The following CAAP1 variants were observed in gnomAD, a reference collection of about 807,000 sequenced individuals.
The protein encoded by CAAP1 is conserved anti-apoptotic protein.
In CAAP1, 20 loss-of-function variants were observed where a neutral mutation model predicts 34.0. The ratio of observed to expected loss-of-function variants is 0.59; its 90% CI spans 0.41 to 0.86. CAAP1 has a LOEUF of 0.86. CAAP1 is among the 40% of genes least tolerant of loss of function. The probability of loss-of-function intolerance (pLI) is 0.00; values close to 1 mark genes in which losing one functional copy is unlikely to be tolerated. For missense variants in CAAP1, 538 were observed against 450.5 expected, an observed-to-expected ratio of 1.19 and a Z score of -1.76; for synonymous variants, 213 against 166.7, an observed-to-expected ratio of 1.28 and a Z score of -2.14.
chr9:26,842,758 CCAAA>C (rs1228763744), intron 5 of CAAP1, 111 bp from the exon 6 acceptor site: 6 of 800,606 alleles, frequency 7.5e-6, no homozygotes, highest in African/African-American at 1.7e-5. Flanking sequence ...CTATGGAGTC[CCAAA>C]CACATTCCAT....
intron 1 of CAAP1, among the ~76,000 whole-genome samples, chr9:26,890,648 CAT>C (rs545032444): frequency 2.0e-5 from 3 of 151,704 alleles, no homozygotes; most frequent in Non-Finnish European, 2.9e-5. Context: ...AATTTAGAAA[CAT>C]ATACATAAAA....
chr9:26,852,270 G>A (rs1338716782), intron 5 of CAAP1, among the ~76,000 whole-genome samples: 2 of 151,994 alleles, frequency 1.3e-5, no homozygotes, highest in Non-Finnish European at 2.9e-5. Context: ...CCTGACCAAC[G>A]TGGTGAAACG....
intron 4 of CAAP1, among the ~76,000 whole-genome samples, chr9:26,868,966 A>G (rs1823207398): frequency 6.6e-6 from 1 of 152,254 alleles, no homozygotes; most frequent in African/African-American, 2.4e-5. Flanking sequence ...ATATTAGAGA[A>G]TTATTGCTAA....
chr9:26,870,039 C>CTTT lies in CAAP1; in HGVS notation c.666-8903_666-8901dup, dbSNP rs555433697. The CTTT allele has an allele frequency of 2.3e-3, 646 of 277,448 alleles. 4 individuals carry two copies. The highest frequency in any genetic ancestry group is 3.7e-3 in the Middle Eastern group (2 of 534). The allele number at this position is 277,448 out of a possible 1,614,324, so 17.2% of individuals were successfully genotyped here. On this transcript the variant is annotated intron_variant, in intron 4 of 5. Coordinates refer to ENST00000333916, the MANE Select transcript of CAAP1 (RefSeq NM_024828.4). Reference sequence around the variant, plus strand: ...TAGGTTTCTGTAATAGAAAGAATAACTTTTTTTTTTTTTTTTTTTTAACGC... The same window carrying CTTT: ...TAGGTTTCTGTAATAGAAAGAATAACTTTTTTTTTTTTTTTTTTTTTTTAACGC...
chr9:26,892,767 G>T lies in CAAP1; in HGVS notation c.-52C>A, dbSNP rs757872695. The T allele has an allele frequency of 1.3e-6, 2 of 1,502,990 alleles. No individual in the cohort carries two copies. Among genetic ancestry groups the T allele is most frequent in the Non-Finnish European group, 1.8e-6 (2 of 1,126,588 alleles). 93.1% of individuals were successfully genotyped at this position (1,502,990 alleles called of 1,614,324 possible). A position where few individuals can be genotyped will look rare whatever the true frequency, so the allele number is the denominator to read the frequency against. On this transcript the variant is annotated 5_prime_UTR_variant, in exon 1 of 6. Transcript: ENST00000333916. ...AAAGTCCGCTGTCTCTGGTGCGACC[G>T]AAGCCCGACTCCTGCGGCCGTGGGC... is the stretch of plus-strand genomic sequence containing the variant.
intron 5 of CAAP1, among the ~76,000 whole-genome samples, chr9:26,857,389 T>C (rs893411549): frequency 6.6e-6 from 1 of 152,226 alleles, no homozygotes; most frequent in African/African-American, 2.4e-5. Context: ...CCCAACACTT[T>C]GGAAGGCCAA....
At chr9:26,870,678 G>A (rs532701106) in intron 4 of CAAP1, among the ~76,000 whole-genome samples, 6 of 151,308 alleles carry the variant, frequency 4.0e-5, no homozygotes, top group Non-Finnish European at 7.4e-5. Flanking sequence ...ATGCAATGGC[G>A]CGATCTCGGC....
intron 4 of CAAP1, among the ~76,000 whole-genome samples, chr9:26,877,267 T>C (rs1258754300): frequency 6.6e-6 from 1 of 152,178 alleles, no homozygotes; most frequent in East Asian, 1.9e-4. Context: ...GATATCAGTA[T>C]GTATATGCAA....
At chr9:26,876,554 G>A (rs910791918) in intron 4 of CAAP1, among the ~76,000 whole-genome samples, 1 of 148,708 alleles carries the variant, frequency 6.7e-6, no homozygotes, top group African/African-American at 2.5e-5. Flanking sequence ...GCCCTGTACA[G>A]GTGTATCATT....
intron 5 of CAAP1, among the ~76,000 whole-genome samples, chr9:26,849,415 T>C (rs537079513): frequency 1.3e-5 from 2 of 152,306 alleles, no homozygotes; most frequent in Admixed American, 1.3e-4. Context: ...ATATATCGTA[T>C]CTTCTTGTTT....
chr9:26,875,317 T>C (rs577936420), intron 4 of CAAP1, among the ~76,000 whole-genome samples: 1 of 149,968 alleles, frequency 6.7e-6, no homozygotes, highest in African/African-American at 2.4e-5. Context: ...ATCTGGGAGG[T>C]GGAGGCTGCA....
rs1587134965 is a variant in CAAP1 at position 26,892,134 on chromosome 9, G to A, written c.303+279C>T. On this transcript the variant is annotated intron_variant, in intron 1 of 5. Coordinates refer to ENST00000333916, the MANE Select transcript of CAAP1 (RefSeq NM_024828.4). ...CTAGCTTCCAACTCGTATTCTTCCGGCAGAGTGAAACCATAGGAGTGGAAG... is the reference window on the plus strand; with the variant it reads ...CTAGCTTCCAACTCGTATTCTTCCGACAGAGTGAAACCATAGGAGTGGAAG... 4 of 737,516 alleles carry A rather than the reference G, an allele frequency of 5.4e-6. No individual in the cohort carries two copies. The East Asian group carries it at 1.4e-4, about 25-fold the overall frequency. 45.7% of individuals were successfully genotyped at this position (737,516 alleles called of 1,614,324 possible). A position where few individuals can be genotyped will look rare whatever the true frequency, so the allele number is the denominator to read the frequency against.
chr9:26,862,116 T>A (rs912866462), intron 4 of CAAP1, among the ~76,000 whole-genome samples: 1 of 152,200 alleles, frequency 6.6e-6, no homozygotes, highest in Non-Finnish European at 1.5e-5. Flanking sequence ...CAGTGTTTTA[T>A]ACTTCTGTCC....
intron 4 of CAAP1, among the ~76,000 whole-genome samples, chr9:26,863,339 A>G (rs1019382124): frequency 3.3e-5 from 5 of 152,054 alleles, no homozygotes; most frequent in Non-Finnish European, 7.4e-5. Context: ...GTAAATGGGG[A>G]AAAAAAATCC....
chr9:26,860,760 C>G (rs1231343870), intron 5 of CAAP1, among the ~76,000 whole-genome samples: 2 of 152,140 alleles, frequency 1.3e-5, no homozygotes, highest in African/African-American at 4.8e-5. Flanking sequence ...CACTGCACTC[C>G]AGCCTGGGCG....
intron 5 of CAAP1, among the ~76,000 whole-genome samples, chr9:26,849,352 G>T (rs1455769487): frequency 1.3e-5 from 2 of 152,104 alleles, no homozygotes; most frequent in African/African-American, 4.8e-5. Flanking sequence ...GCCCTAAATG[G>T]TATGTAGTAT....
chr9:26,864,220 C>A (rs1823074118), intron 4 of CAAP1, among the ~76,000 whole-genome samples: 1 of 152,124 alleles, frequency 6.6e-6, no homozygotes, highest in African/African-American at 2.4e-5. Flanking sequence ...TATTTTACCT[C>A]CACAAGCTAT....
intron 4 of CAAP1, among the ~76,000 whole-genome samples, chr9:26,876,261 T>C (rs1310377077): frequency 6.6e-6 from 1 of 152,216 alleles, no homozygotes; most frequent in Admixed American, 6.5e-5. Context: ...GACTGTCTTA[T>C]CTCCCTCTTA....
chr9:26,881,088 A>G (rs1823583592), intron 4 of CAAP1, among the ~76,000 whole-genome samples: 1 of 152,162 alleles, frequency 6.6e-6, no homozygotes, highest in South Asian at 2.1e-4. Flanking sequence ...GTGGGAGGAC[A>G]GTTTGAGGCC....
Sources: gnomAD v4.1 joint callset for allele counts (sites outside exome capture counted in the v4.1 genomes callset) on GRCh38, gnomAD v4.1.1 for gene constraint, MANE v1.5 for transcripts, NCBI Gene and HGNC (gene_info 2026-07-23, HGNC 2026-07-21) for gene names.